The following SCNN1G variants were observed in gnomAD, a reference collection of about 807,000 sequenced individuals.
The protein encoded by SCNN1G is epithelial sodium channel subunit gamma.
SCNN1G carries 27 observed loss-of-function variants against 64.6 expected under a neutral mutation model. The observed-to-expected ratio is 0.42, with a 90% CI of 0.31 to 0.58. The LOEUF is 0.58. Among genes scored for constraint, SCNN1G ranks in the 20% least tolerant of loss-of-function variants. The pLI, the probability that SCNN1G is intolerant of heterozygous loss-of-function variation, is 0.18. For synonymous variants in SCNN1G, 330 were observed against 314.2 expected (o/e 1.05, Z -0.53); for missense variants, 743 against 823.4 (o/e 0.90, Z 1.19).
chr16:23,212,591 C>A, intron 8 of SCNN1G, 87 bp from the exon 9 acceptor site: 1 of 965,944 alleles, frequency 1.0e-6, no homozygotes, highest in Non-Finnish European at 1.7e-6. Context: ...TAAAATGAGA[C>A]TGCGGGGCTG....
chr16:23,207,951 C>G (rs11643777), intron 6 of SCNN1G, among the ~76,000 whole-genome samples: 16,129 of 152,122 alleles, frequency 0.11, 1,089 homozygotes, highest in Non-Finnish European at 0.16. Context: ...CATTCTTTTT[C>G]TCTTTACCCC....
chr16:23,210,709 G>A (rs931026576), intron 7 of SCNN1G, among the ~76,000 whole-genome samples: 3 of 152,152 alleles, frequency 2.0e-5, no homozygotes, highest in Admixed American at 6.5e-5. Flanking sequence ...TAAGAGCTGA[G>A]CTGAGAGGTG....
At position 23,194,162 on chromosome 16, in the gene SCNN1G, C is replaced by T; in HGVS notation, c.810-9C>T. On this transcript the variant is annotated splice_polypyrimidine_tract_variant and intron_variant, in intron 4 of 12. Coordinates refer to ENST00000300061, the MANE Select transcript of SCNN1G (RefSeq NM_001039.4). ...AGATCCCTTTCTGACCCATTTTCTTCCTCCATAGGAATTTCACGCTTTTCC... is the reference window on the plus strand; with the variant it reads ...AGATCCCTTTCTGACCCATTTTCTTTCTCCATAGGAATTTCACGCTTTTCC... 6.3e-7 allele frequency: 1 copy of T among 1,598,890 alleles called. No homozygotes were observed. Among genetic ancestry groups the T allele is most frequent in the Non-Finnish European group, 8.6e-7 (1 of 1,166,354 alleles).
Position 23,197,523 on chromosome 16 carries a change from TG to T in SCNN1G, c.1077+97del. The stretch of plus-strand genomic sequence containing the variant: ...GGTGCAGCTTATGGAAAAGGGTGTT[TG>T]TTTCAAAAGGGAACATGGTCCCAGA... On this transcript the variant is annotated intron_variant, in intron 6 of 12. Transcript: ENST00000300061. The T allele has an allele frequency of 3.5e-6, 4 of 1,149,206 alleles. No homozygotes were observed. The Admixed American group carries it at 7.2e-5, about 21-fold the overall frequency. 71.2% of individuals were successfully genotyped at this position (1,149,206 alleles called of 1,614,324 possible). A position where few individuals can be genotyped will look rare whatever the true frequency, so the allele number is the denominator to read the frequency against.
chr16:23,189,536 G>C lies in SCNN1G; in HGVS notation c.483G>C (p.Leu161=). The stretch of plus-strand genomic sequence containing the variant: ...GATTCTCCCACCGGATTCCGCTGCT[G>C]ATCTTTGATCAGGATGAGAAGGGCA... ...QPRFSHRIPL[L]IFDQDEKGKA... Residue 161 remains leucine (L), a synonymous_variant, in exon 3 of 13, where the codon CTG becomes CTC. Transcript: ENST00000300061. 3 of 1,614,252 alleles carry C rather than the reference G, an allele frequency of 1.9e-6. No individual in the cohort carries two copies. Among genetic ancestry groups the C allele is most frequent in the Non-Finnish European group, 2.5e-6 (3 of 1,180,048 alleles).
intron 5 of SCNN1G, among the ~76,000 whole-genome samples, chr16:23,194,540 A>T (rs923259610): frequency 6.6e-6 from 1 of 152,184 alleles, no homozygotes; most frequent in African/African-American, 2.4e-5. Context: ...CTGCTAGGGA[A>T]CTACTCTGGT....
At chr16:23,214,939 G>T in intron 12 of SCNN1G, 150 bp from the exon 13 acceptor site, 1 of 1,128,660 alleles carries the variant, frequency 8.9e-7, no homozygotes, top group South Asian at 1.3e-5. Flanking sequence ...AATGCACAGA[G>T]TAAGAGGAAA....
intron 1 of SCNN1G, 143 bp from the exon 2 acceptor site, chr16:23,186,085 G>A: frequency 4.7e-6 from 3 of 641,304 alleles, no homozygotes; most frequent in Non-Finnish European, 8.4e-6. Context: ...GATTCAGAAT[G>A]CAAAGTGCCT....
chr16:23,192,517 T>C lies in SCNN1G; in HGVS notation c.784T>C (p.Phe262Leu). ...SAEELLVTCFFDGVSCDARNF... is the reference protein window; with the variant it reads ...SAEELLVTCFLDGVSCDARNF... ...TGAGGAGCTGCTGGTGACCTGCTTCTTTGATGGAGTGTCCTGTGATGCCAG... is the reference window on the plus strand; with the variant it reads ...TGAGGAGCTGCTGGTGACCTGCTTCCTTGATGGAGTGTCCTGTGATGCCAG... Residue 262 changes from phenylalanine (F) to leucine (L), a missense_variant, in exon 4 of 13, where the codon TTT becomes CTT. Physicochemically the swap from Phe to Leu is conservative, Grantham distance 22. Coordinates refer to ENST00000300061, the MANE Select transcript of SCNN1G (RefSeq NM_001039.4). The C allele has an allele frequency of 1.2e-6, 2 of 1,612,426 alleles. No individual in the cohort carries two copies. Among genetic ancestry groups the C allele is most frequent in the Non-Finnish European group, 1.7e-6 (2 of 1,179,978 alleles).
At chr16:23,196,388 G>A (rs1959795649) in intron 5 of SCNN1G, 1 of 152,042 alleles carries the variant, frequency 6.6e-6, no homozygotes, top group East Asian at 1.9e-4. Context: ...AGTAGGCAGG[G>A]CTGTATCATC....
chr16:23,184,748 G>GAA (rs35147789), intron 1 of SCNN1G, among the ~76,000 whole-genome samples: 1 of 151,710 alleles, frequency 6.6e-6, no homozygotes, highest in Admixed American at 6.6e-5. Context: ...TTCAGGGTGG[G>GAA]AAAAAAAGAC....
At chr16:23,192,317 G>A (rs187848793) in intron 3 of SCNN1G, 35 bp from the exon 4 acceptor site, 67 of 1,558,442 alleles carry the variant, frequency 4.3e-5, no homozygotes, top group South Asian at 8.9e-5. Context: ...CGATAGGACC[G>A]ATGGCTTCAG....
rs954121504 is a variant in SCNN1G, at chr16:23,194,189, C to T, written c.828C>T (p.His276=). 21 of 1,613,472 alleles carry T rather than the reference C, an allele frequency of 1.3e-5. No homozygotes were observed. Among genetic ancestry groups the T allele is most frequent in the Non-Finnish European group, 1.6e-5 (19 of 1,179,626 alleles). The change falls in exon 5 of 13, where the codon CAC becomes CAT. Residue 276 remains histidine, a synonymous_variant. Coordinates refer to ENST00000300061, the MANE Select transcript of SCNN1G (RefSeq NM_001039.4). ...SCDARNFTLF[H]HPMHGNCYTF... ...TCCATAGGAATTTCACGCTTTTCCA[C>T]CACCCGATGCATGGGAATTGCTATA...
At chr16:23,204,716 A>G (rs953097233) in intron 6 of SCNN1G, among the ~76,000 whole-genome samples, 2 of 152,028 alleles carry the variant, frequency 1.3e-5, no homozygotes, top group African/African-American at 2.4e-5. Context: ...TTTCTTCTTT[A>G]ATCATTATGT....
At position 23,189,678 on chromosome 16, in the gene SCNN1G, T is replaced by C. The variant is rs1357181378; in HGVS notation, c.618+7T>C. 2 of 1,613,822 alleles carry C rather than the reference T, an allele frequency of 1.2e-6. No homozygotes were observed. The highest frequency in any genetic ancestry group is 1.7e-6 in the Non-Finnish European group (2 of 1,179,716). ...AGTGGTGGGATTCCAACTGGTAAGA[T>C]TTCACCTTCTCATTCTTTCACTGCT... On this transcript the variant is annotated splice_region_variant and intron_variant, in intron 3 of 12. Coordinates refer to ENST00000300061, the MANE Select transcript of SCNN1G (RefSeq NM_001039.4).
intron 7 of SCNN1G, 101 bp from the exon 8 acceptor site, chr16:23,211,933 A>G (rs915011407): frequency 1.4e-5 from 12 of 884,868 alleles, no homozygotes; most frequent in Non-Finnish European, 2.1e-5. Context: ...TGGTTGGCCA[A>G]GGTTAAGGGA....
chr16:23,204,047 G>A (rs1365667570), intron 6 of SCNN1G, among the ~76,000 whole-genome samples: 6 of 151,260 alleles, frequency 4.0e-5, no homozygotes, highest in Non-Finnish European at 8.8e-5. Flanking sequence ...GGAAGTTGAG[G>A]CCAGTGGATC....
chr16:23,199,698 G>C (rs552447684), intron 6 of SCNN1G, among the ~76,000 whole-genome samples: 1 of 98,462 alleles, frequency 1.0e-5, no homozygotes, highest in Non-Finnish European at 1.8e-5. Flanking sequence ...TTGAGACAGA[G>C]TGTCACTCTG....
chr16:23,207,913 ATAAT>A (rs370620029), intron 6 of SCNN1G, among the ~76,000 whole-genome samples: 38 of 152,242 alleles, frequency 2.5e-4, no homozygotes, highest in African/African-American at 9.1e-4. Flanking sequence ...CAAAGAGAAA[ATAAT>A]TTTCTTCCCT....
Sources: gnomAD v4.1 joint callset for allele counts (sites outside exome capture counted in the v4.1 genomes callset) on GRCh38, gnomAD v4.1.1 for gene constraint, MANE v1.5 for transcripts, NCBI Gene and HGNC (gene_info 2026-07-23, HGNC 2026-07-21) for gene names.